The following RBFOX2 variants were observed in gnomAD, a reference collection of about 807,000 sequenced individuals.
The protein encoded by RBFOX2 is RNA binding fox-1 homolog 2.
In RBFOX2, 10 loss-of-function variants were observed where a neutral mutation model predicts 49.1. The observed-to-expected ratio is 0.20, with a 90% CI of 0.13 to 0.35. RBFOX2 has a LOEUF of 0.35. Among genes scored for constraint, RBFOX2 ranks in the 10% least tolerant of loss-of-function variants. The pLI is 1.00. For synonymous variants in RBFOX2, 183 were observed against 187.4 expected (o/e 0.98, Z 0.19); for missense variants, 323 against 486.9 (o/e 0.66, Z 3.17).
intron 1 of RBFOX2, among the ~76,000 whole-genome samples, chr22:35,933,953 T>TATATATATATATATATATATATATATAC (rs1009021083): frequency 2.1e-5 from 3 of 141,076 alleles, no homozygotes; most frequent in African/African-American, 8.4e-5. Context: ...TATATATATA[T>TATATATATATATATATATATATATATAC]ACACACATCA....
At chr22:35,818,549 C>T (rs567317480) in intron 1 of RBFOX2, among the ~76,000 whole-genome samples, 2 of 152,130 alleles carry the variant, frequency 1.3e-5, no homozygotes, top group African/African-American at 2.4e-5. Context: ...TTTGGAAGGC[C>T]GGGGTGGGAG....
At chr22:35,897,198 G>A (rs1352673790) in intron 1 of RBFOX2, 3 of 789,888 alleles carry the variant, frequency 3.8e-6, no homozygotes, top group Admixed American at 2.2e-5. Flanking sequence ...AGACCACCTG[G>A]CTGGGTGCTC....
chr22:35,752,596 C>G (rs1935359282), intron 9 of RBFOX2: 15 of 975,938 alleles, frequency 1.5e-5, no homozygotes, highest in Non-Finnish European at 1.7e-5. Context: ...ATTGGCAGGT[C>G]ACACTGGCAC....
chr22:35,883,265 G>C (rs1228303847), intron 1 of RBFOX2, among the ~76,000 whole-genome samples: 1 of 152,152 alleles, frequency 6.6e-6, no homozygotes, highest in Non-Finnish European at 1.5e-5. Context: ...TTCCTGTTCA[G>C]TCCTAGCTAC....
At chr22:35,875,607 G>GGGGGGTGT (rs1171006043) in intron 1 of RBFOX2, among the ~76,000 whole-genome samples, 2 of 117,670 alleles carry the variant, frequency 1.7e-5, no homozygotes, top group African/African-American at 3.3e-5. Context: ...TGCTCACAAG[G>GGGGGGTGT]GTGTGTGTGT....
At chr22:35,745,788 G>A in intron 11 of RBFOX2, 135 bp downstream of exon 13, 1 of 849,644 alleles carries the variant, frequency 1.2e-6, no homozygotes, top group Non-Finnish European at 1.9e-6. Flanking sequence ...GAAACTTCCA[G>A]GTAGATCTAT....
chr22:36,005,038 C>G (rs898930115), intron 1 of RBFOX2, among the ~76,000 whole-genome samples: 1 of 152,170 alleles, frequency 6.6e-6, no homozygotes, highest in Admixed American at 6.5e-5. Flanking sequence ...CTCATAACCT[C>G]ATACACATTA....
rs1197217062 is a variant in RBFOX2 at position 35,765,497 on chromosome 22, G to A, written c.547-14C>T. 2.0e-6 allele frequency: 3 copies of A among 1,493,708 alleles called. No homozygotes were observed. Among genetic ancestry groups the A allele is most frequent in the Non-Finnish European group, 2.8e-6 (3 of 1,083,224 alleles). 92.5% of individuals were successfully genotyped at this position (1,493,708 alleles called of 1,614,324 possible). On this transcript the variant is annotated splice_polypyrimidine_tract_variant and intron_variant, in intron 5 of 11. Transcript: ENST00000405409. ...AGCATTATTCACCTAAAAATAACAA[G>A]GAGAAAAAAGGGCAGGGAAGAAGTG...
chr22:35,829,829 G>GCCCTTTC (rs1316559779), intron 1 of RBFOX2, among the ~76,000 whole-genome samples: 5 of 152,052 alleles, frequency 3.3e-5, no homozygotes, highest in Non-Finnish European at 5.9e-5. Flanking sequence ...TCTCTGTCGT[G>GCCCTTTC]CCCTTTCCCC....
At chr22:35,819,730 T>G (rs1954025173) in intron 1 of RBFOX2, among the ~76,000 whole-genome samples, 2 of 152,198 alleles carry the variant, frequency 1.3e-5, no homozygotes, top group South Asian at 4.1e-4. Context: ...CCTGCCCTTA[T>G]GGAGTTTACA....
intron 1 of RBFOX2, among the ~76,000 whole-genome samples, chr22:35,906,105 C>A (rs937667571): frequency 6.6e-6 from 1 of 151,992 alleles, no homozygotes; most frequent in African/African-American, 2.4e-5. Flanking sequence ...CAAAAAGTAT[C>A]CTTATCATTA....
intron 1 of RBFOX2, among the ~76,000 whole-genome samples, chr22:35,957,364 C>T (rs562785995): frequency 6.6e-6 from 1 of 152,256 alleles, no homozygotes; most frequent in South Asian, 2.1e-4. Context: ...ACAGGCAGTT[C>T]TGACTAGTAC....
At chr22:35,907,632 TTAAC>T (rs1224897583) in intron 1 of RBFOX2, among the ~76,000 whole-genome samples, 6 of 152,170 alleles carry the variant, frequency 3.9e-5, no homozygotes, top group Non-Finnish European at 7.3e-5. Flanking sequence ...ATTATTTACT[TTAAC>T]TTACAAATCA....
At chr22:36,001,796 G>A (rs1180264731) in intron 1 of RBFOX2, among the ~76,000 whole-genome samples, 4 of 152,002 alleles carry the variant, frequency 2.6e-5, no homozygotes, top group Non-Finnish European at 4.4e-5. Flanking sequence ...AGACGTGGTG[G>A]CTCACGCCTG....
chr22:35,809,196 T>C (rs1457021396), intron 2 of RBFOX2, among the ~76,000 whole-genome samples: 1 of 152,062 alleles, frequency 6.6e-6, no homozygotes, highest in Non-Finnish European at 1.5e-5. Flanking sequence ...CCTCTTCAGG[T>C]AGGTACTATT....
chr22:35,891,804 G>A (rs1397508692), intron 1 of RBFOX2, among the ~76,000 whole-genome samples: 3 of 151,612 alleles, frequency 2.0e-5, no homozygotes, highest in African/African-American at 4.9e-5. Context: ...TGGCGAGAGA[G>A]GGAAAATAAA....
chr22:35,764,175 C>T (rs1024130670), intron 6 of RBFOX2, among the ~76,000 whole-genome samples: 4 of 152,054 alleles, frequency 2.6e-5, no homozygotes, highest in South Asian at 2.1e-4. Context: ...AAAAGCTGGG[C>T]TAAATATATT....
At chr22:35,801,840 T>C (rs1949848270) in intron 2 of RBFOX2, among the ~76,000 whole-genome samples, 1 of 151,724 alleles carries the variant, frequency 6.6e-6, no homozygotes, top group Admixed American at 6.6e-5. Flanking sequence ...TAAGATCAAA[T>C]AAAATAAAAT....
upstream of RBFOX2, among the ~76,000 whole-genome samples, chr22:35,940,840 T>C (rs2053617907): frequency 6.6e-6 from 1 of 152,168 alleles, no homozygotes; most frequent in Non-Finnish European, 1.5e-5. Flanking sequence ...ACAAATTATA[T>C]AATTTGATTT....
Sources: allele counts gnomAD v4.1 joint callset (sites outside exome capture counted in the v4.1 genomes callset), GRCh38; gene constraint gnomAD v4.1.1; transcripts MANE v1.5; gene names NCBI Gene and HGNC (gene_info 2026-07-23, HGNC 2026-07-21).